DLG2: variants seen among roughly 807,000 people sequenced by gnomAD.
The protein encoded by DLG2 is discs large MAGUK scaffold protein 2.
A neutral mutation model predicts 132.5 loss-of-function variants in DLG2; 45 were observed. That is an observed-to-expected ratio of 0.34 (90% CI 0.27 to 0.44). DLG2 has a LOEUF of 0.44. Among genes scored for constraint, DLG2 ranks in the 20% least tolerant of loss-of-function variants. The probability of loss-of-function intolerance (pLI) is 1.00; values close to 1 mark genes in which losing one functional copy is unlikely to be tolerated. For synonymous variants in DLG2, 424 were observed against 419.6 expected (o/e 1.01, Z -0.13); for missense variants, 1,045 against 1,196.9 (o/e 0.87, Z 1.87).
intron 6 of DLG2, among the ~76,000 whole-genome samples, chr11:85,024,280 G>C (rs2060325614): frequency 6.6e-6 from 1 of 152,172 alleles, no homozygotes; most frequent in Non-Finnish European, 1.5e-5. Context: ...CCAGGAGCTA[G>C]TTACAGGATG....
At chr11:84,015,142 CAAT>C (rs2095105526) in intron 11 of DLG2, among the ~76,000 whole-genome samples, 1 of 152,088 alleles carries the variant, frequency 6.6e-6, no homozygotes, top group Non-Finnish European at 1.5e-5. Flanking sequence ...TCTCAGTACT[CAAT>C]AAATATTAAT....
intron 11 of DLG2, among the ~76,000 whole-genome samples, chr11:84,036,180 A>T (rs950662155): frequency 3.3e-5 from 5 of 152,040 alleles, no homozygotes; most frequent in South Asian, 4.1e-4. Context: ...CCAACACTGA[A>T]TCTTCGGGAA....
intron 11 of DLG2, among the ~76,000 whole-genome samples, chr11:84,049,547 T>C (rs2096313254): frequency 6.6e-6 from 1 of 151,794 alleles, no homozygotes; most frequent in Admixed American, 6.6e-5. Flanking sequence ...CCCACTCATC[T>C]CTGCCCCAAT....
At chr11:84,133,376 C>G (rs970709678) in intron 9 of DLG2, among the ~76,000 whole-genome samples, 13 of 151,906 alleles carry the variant, frequency 8.6e-5, no homozygotes, top group African/African-American at 3.1e-4. Flanking sequence ...TAGTGACAAA[C>G]AAAGAAACTG....
At chr11:83,692,603 A>G (rs1377051454) in intron 18 of DLG2, among the ~76,000 whole-genome samples, 1 of 152,216 alleles carries the variant, frequency 6.6e-6, no homozygotes, top group Non-Finnish European at 1.5e-5. Flanking sequence ...AAATCCACTG[A>G]ATTGTATATT....
chr11:85,288,801 C>T (rs1175497106), intron 3 of DLG2, among the ~76,000 whole-genome samples: 3 of 152,058 alleles, frequency 2.0e-5, no homozygotes, highest in African/African-American at 7.2e-5. Context: ...GAGTCTTTTT[C>T]TCTGTATCGT....
rs1206674957 is a variant in DLG2, at chr11:84,905,408, A to G, written c.357+206253T>C. ...TAAAAGACAGCCCCCAATAGACTCT[A>G]TGACTTAACACAATACACTTCTGAG... On this transcript the variant is annotated intron_variant, in intron 6 of 27. Coordinates refer to ENST00000376104, the MANE Select transcript of DLG2 (RefSeq NM_001142699.3). 2.6e-5 allele frequency among the ~76,000 whole-genome samples: 4 copies of G among 152,326 alleles called. No individual in the cohort carries two copies. In the East Asian group the frequency reaches 5.8e-4, roughly 22 times the overall value.
At position 83,470,511 on chromosome 11, in the gene DLG2, G is replaced by A. The variant is rs1166223398; in HGVS notation, c.2446+1115C>T. On this transcript the variant is annotated intron_variant, in intron 24 of 27. Coordinates refer to ENST00000376104, the MANE Select transcript of DLG2 (RefSeq NM_001142699.3). ...TCAAAAAAGAGAGAATATGCAAGGT[G>A]AAAGGGAAAGCAGAAAGAATGCTTA... Among the ~76,000 whole-genome samples, 3 of 152,282 alleles carry A rather than the reference G, an allele frequency of 2.0e-5. 1 individual carries two copies. Among genetic ancestry groups the A allele is most frequent in the South Asian group, 4.1e-4 (2 of 4,820 alleles).
chr11:85,304,663 T>C (rs1200063081), intron 3 of DLG2, among the ~76,000 whole-genome samples: 1 of 152,114 alleles, frequency 6.6e-6, no homozygotes, highest in African/African-American at 2.4e-5. Flanking sequence ...TTAAAAAAAT[T>C]GAAATCCAAA....
At chr11:83,989,659 C>T (rs1280619418) in intron 11 of DLG2, among the ~76,000 whole-genome samples, 2 of 152,142 alleles carry the variant, frequency 1.3e-5, no homozygotes, top group Non-Finnish European at 2.9e-5. Context: ...GGATAAATGA[C>T]TAAAGAGTCA....
intron 6 of DLG2, among the ~76,000 whole-genome samples, chr11:85,031,997 T>A (rs1227252714): frequency 6.7e-6 from 1 of 149,170 alleles, no homozygotes; most frequent in Non-Finnish European, 1.5e-5. Context: ...AGGTGGTGTT[T>A]CACTATGTTG....
intron 9 of DLG2, among the ~76,000 whole-genome samples, chr11:84,146,597 C>A (rs1328588802): frequency 6.6e-6 from 1 of 152,036 alleles, no homozygotes; most frequent in Non-Finnish European, 1.5e-5. Flanking sequence ...AGAATCTATG[C>A]AATGCAACAT....
intron 3 of DLG2, among the ~76,000 whole-genome samples, chr11:85,449,982 C>A (rs2092173551): frequency 6.6e-6 from 1 of 151,916 alleles, no homozygotes; most frequent in Non-Finnish European, 1.5e-5. Context: ...ACAAAATTAG[C>A]CGGGCATGAT....
intron 3 of DLG2, among the ~76,000 whole-genome samples, chr11:85,546,330 A>T (rs1442836094): frequency 6.6e-6 from 1 of 152,050 alleles, no homozygotes; most frequent in Non-Finnish European, 1.5e-5. Context: ...CCTGAGTTCT[A>T]ATTTGATTGC....
chr11:85,025,301 C>T lies in DLG2; in HGVS notation c.357+86360G>A, dbSNP rs766056637. ...CATATTGATGCTTCAATTCAGAATG[C>T]GCAATACTGTTGACATCTGGCCTCA... On this transcript the variant is annotated intron_variant, in intron 6 of 27. Coordinates refer to ENST00000376104, the MANE Select transcript of DLG2 (RefSeq NM_001142699.3). Among the ~76,000 whole-genome samples the T allele has an allele frequency of 5.3e-5, 8 of 152,248 alleles. No individual in the cohort carries two copies. The South Asian group carries it at 6.2e-4, about 12-fold the overall frequency.
chr11:83,565,246 A>T (rs1453106928), intron 19 of DLG2, among the ~76,000 whole-genome samples: 1 of 152,194 alleles, frequency 6.6e-6, no homozygotes, highest in Admixed American at 6.5e-5. Flanking sequence ...AAGCTCCCAG[A>T]AGGGTGGATA....
intron 7 of DLG2, among the ~76,000 whole-genome samples, chr11:84,330,461 A>G (rs1044350025): frequency 2.0e-5 from 3 of 152,236 alleles, no homozygotes; most frequent in African/African-American, 7.2e-5. Flanking sequence ...AAATAGGTTT[A>G]GAAAGATTCT....
intron 6 of DLG2, among the ~76,000 whole-genome samples, chr11:84,710,075 T>G (rs567748836): frequency 1.3e-5 from 2 of 151,948 alleles, no homozygotes; most frequent in Non-Finnish European, 2.9e-5. Context: ...GAGTGTCACA[T>G]AGCAATTAAT....
chr11:84,323,823 C>A (rs757685761), intron 7 of DLG2, among the ~76,000 whole-genome samples: 4 of 149,026 alleles, frequency 2.7e-5, no homozygotes, highest in Non-Finnish European at 5.9e-5. Flanking sequence ...TGAGGTTGAG[C>A]ATTTTTTCAT....
Sources: gnomAD v4.1 joint callset for allele counts (sites outside exome capture counted in the v4.1 genomes callset) on GRCh38, gnomAD v4.1.1 for gene constraint, MANE v1.5 for transcripts, NCBI Gene and HGNC (gene_info 2026-07-23, HGNC 2026-07-21) for gene names.